The following PIKFYVE variants were observed in gnomAD, a reference collection of about 807,000 sequenced individuals.
PIKFYVE encodes phosphoinositide kinase, FYVE-type zinc finger containing.
In PIKFYVE, 122 loss-of-function variants were observed where a neutral mutation model predicts 257.9. The ratio of observed to expected loss-of-function variants is 0.47; its 90% CI spans 0.41 to 0.55. The LOEUF is 0.55. Among genes scored for constraint, PIKFYVE ranks in the 20% least tolerant of loss-of-function variants. PIKFYVE has a pLI of 0.00. For missense variants in PIKFYVE, 2,160 were observed against 2,536.6 expected, an observed-to-expected ratio of 0.85 and a Z score of 3.19; for synonymous variants, 892 against 868.9, an observed-to-expected ratio of 1.03 and a Z score of -0.47.
At chr2:208,330,023 C>T in intron 22 of PIKFYVE, 110 bp downstream of exon 22, 1 of 1,412,506 alleles carries the variant, frequency 7.1e-7, no homozygotes, top group Non-Finnish European at 9.7e-7. Context: ...ATGATCCTCA[C>T]TTTCATAGTG....
intron 32 of PIKFYVE, among the ~76,000 whole-genome samples, chr2:208,342,980 A>T (rs185242636): frequency 1.1e-4 from 17 of 151,916 alleles, no homozygotes; most frequent in African/African-American, 4.1e-4. Context: ...TTTTTAGTAG[A>T]GATGGGGTTT....
intron 19 of PIKFYVE, 36 bp downstream of exon 19, chr2:208,325,073 A>T: frequency 6.2e-7 from 1 of 1,613,030 alleles, no homozygotes; most frequent in Non-Finnish European, 8.5e-7. Context: ...CCTGAGGAAA[A>T]GAGTTAACTT....
At chr2:208,268,057 G>A (rs889902700) in intron 1 of PIKFYVE, among the ~76,000 whole-genome samples, 3 of 152,176 alleles carry the variant, frequency 2.0e-5, no homozygotes, top group African/African-American at 4.8e-5. Flanking sequence ...TAGGTTAATA[G>A]GACTGATTAC....
intron 22 of PIKFYVE, among the ~76,000 whole-genome samples, chr2:208,330,248 T>C (rs981927503): frequency 1.3e-5 from 2 of 152,208 alleles, no homozygotes; most frequent in African/African-American, 2.4e-5. Context: ...TCGCCACTTA[T>C]ATGACAAAGC....
At chr2:208,347,822 C>T in intron 34 of PIKFYVE, 37 bp from the exon 35 acceptor site, 4 of 1,550,538 alleles carry the variant, frequency 2.6e-6, no homozygotes, top group Non-Finnish European at 3.5e-6. Context: ...CTGTAGTGAC[C>T]TGTACTTAAA....
Position 208,350,939 on chromosome 2 carries a change from C to T in PIKFYVE, c.5603C>T (p.Ala1868Val), listed in dbSNP as rs1239619699. Reference protein sequence around the residue: ...RGGKSGAAFYATEDDRFILKQ... With the variant: ...RGGKSGAAFYVTEDDRFILKQ... The stretch of plus-strand genomic sequence containing the variant: ...GGCAAATCAGGAGCTGCCTTCTATG[C>T]AACTGAGGGTGAGCCTTTCTCATCG... Residue 1868 changes from alanine (A) to valine (V), a missense_variant, in exon 37 of 42, where the codon GCA becomes GTA. Physicochemically the swap from Ala to Val is moderately conservative, Grantham distance 64. Transcript: ENST00000264380. 6.2e-7 allele frequency: 1 copy of T among 1,614,114 alleles called. No individual in the cohort carries two copies. Among genetic ancestry groups the T allele is most frequent in the South Asian group, 1.1e-5 (1 of 91,086 alleles).
chr2:208,311,052 T>C (rs952764432), intron 12 of PIKFYVE, among the ~76,000 whole-genome samples: 5 of 152,144 alleles, frequency 3.3e-5, no homozygotes, highest in African/African-American at 1.2e-4. Flanking sequence ...AACATACACA[T>C]ATATGGCAAA....
chr2:208,319,380 A>G (rs1695938963), intron 16 of PIKFYVE, among the ~76,000 whole-genome samples: 1 of 152,232 alleles, frequency 6.6e-6, no homozygotes. Context: ...AAAACCACAC[A>G]TTACCCTTTA....
At chr2:208,310,178 G>A (rs1355972807) in intron 12 of PIKFYVE, among the ~76,000 whole-genome samples, 1 of 152,140 alleles carries the variant, frequency 6.6e-6, no homozygotes, top group East Asian at 1.9e-4. Flanking sequence ...TTTCCAGGGA[G>A]ACTGGTAGTT....
intron 11 of PIKFYVE, 143 bp downstream of exon 11, chr2:208,304,461 CT>C: frequency 8.7e-7 from 1 of 1,151,652 alleles, no homozygotes; most frequent in African/African-American, 1.5e-5. Flanking sequence ...CAGTCTTTGT[CT>C]TAGATACAGT....
intron 6 of PIKFYVE, 141 bp downstream of exon 6, chr2:208,286,074 C>T (rs1691536613): frequency 4.6e-6 from 4 of 873,072 alleles, no homozygotes; most frequent in Non-Finnish European, 7.0e-6. Context: ...TTTGGCTTGC[C>T]TCCAGAATGT....
Position 208,305,006 on chromosome 2 carries a change from C to G in PIKFYVE, c.1629C>G (p.Asp543Glu). 6.2e-7 allele frequency: 1 copy of G among 1,614,066 alleles called. No individual in the cohort carries two copies. The highest frequency in any genetic ancestry group is 8.5e-7 in the Non-Finnish European group (1 of 1,179,984). ...KYPHVPPHPADQKEYLISDTG... is the reference protein window; with the variant it reads ...KYPHVPPHPAEQKEYLISDTG... ...CACATGTGCCCCCTCACCCTGCTGA[C>G]CAAAAAGGTAGGAGGTAGTCACCAT... Residue 543 changes from aspartate (D) to glutamate (E), a missense_variant, in exon 12 of 42, where the codon GAC becomes GAG. By Grantham distance (45) the Asp-to-Glu change is conservative. Around this residue, in one of 12 missense-constraint regions of PIKFYVE, gnomAD observed 346 missense variants for 365.6 expected, o/e 0.95. Transcript: ENST00000264380.
chr2:208,323,576 T>A (rs1696563103), intron 17 of PIKFYVE, among the ~76,000 whole-genome samples: 1 of 152,180 alleles, frequency 6.6e-6, no homozygotes, highest in African/African-American at 2.4e-5. Context: ...AACATACTTG[T>A]GCATGTGTCT....
Position 208,273,244 on chromosome 2 carries a change from A to G in PIKFYVE, c.173-340A>G, listed in dbSNP as rs532767692. Among the ~76,000 whole-genome samples the G allele has an allele frequency of 2.0e-5, 3 of 152,302 alleles. No homozygotes were observed. In the East Asian group the frequency reaches 5.8e-4, roughly 29 times the overall value. ...TGAAAAGTGAAACAAATAGGAGATC[A>G]TATATACCAAGGGTGTGATTATTGG... is the stretch of plus-strand genomic sequence containing the variant. On this transcript the variant is annotated intron_variant, in intron 2 of 41. Transcript: ENST00000264380.
At chr2:208,318,971 AGT>A (rs377246699) in intron 16 of PIKFYVE, among the ~76,000 whole-genome samples, 8 of 149,688 alleles carry the variant, frequency 5.3e-5, no homozygotes, top group South Asian at 2.1e-4. Flanking sequence ...AAAAAAAAAA[AGT>A]AGGCACTTCA....
chr2:208,325,017 A>G lies in PIKFYVE; in HGVS notation c.2438A>G (p.Gln813Arg). The change falls in exon 19 of 42, where the codon CAG becomes CGG. Residue 813 changes from glutamine (Q) to arginine (R), a missense_variant. Physicochemically the swap from Gln to Arg is conservative, Grantham distance 43. Transcript: ENST00000264380. ...GGCACTTGTCACAAATTTTATATGC[A>G]GATATTTCAGTTGCCTAATGGTGAG... ...HLGTCHKFYMQIFQLPNEQTK... is the reference protein window; with the variant it reads ...HLGTCHKFYMRIFQLPNEQTK... 1 of 1,614,118 alleles carries G rather than the reference A, an allele frequency of 6.2e-7. No individual in the cohort carries two copies.
intron 19 of PIKFYVE, 62 bp downstream of exon 19, chr2:208,325,099 T>C (rs1696765840): frequency 1.2e-6 from 2 of 1,606,664 alleles, no homozygotes; most frequent in Admixed American, 1.7e-5. Flanking sequence ...TACTACAATG[T>C]TTACTTACTA....
intron 12 of PIKFYVE, among the ~76,000 whole-genome samples, chr2:208,311,101 C>T (rs1214667259): frequency 6.6e-6 from 1 of 152,028 alleles, no homozygotes; most frequent in African/African-American, 2.4e-5. Context: ...TGGTATACAG[C>T]ATTTTCTGTA....
intron 34 of PIKFYVE, 112 bp downstream of exon 34, chr2:208,346,259 T>C (rs999472531): frequency 1.3e-5 from 11 of 847,006 alleles, no homozygotes; most frequent in African/African-American, 1.7e-5. Context: ...TTACTACTTA[T>C]GATCTCTGAA....
Sources: gnomAD v4.1 joint callset for allele counts (sites outside exome capture counted in the v4.1 genomes callset) on GRCh38, gnomAD v4.1.1 for gene constraint, gnomAD v4.1.1 regional missense constraint, MANE v1.5 for transcripts, NCBI Gene and HGNC (gene_info 2026-07-23, HGNC 2026-07-21) for gene names.